SON: variants seen among roughly 807,000 people sequenced by gnomAD.
SON encodes the protein protein SON.
A neutral mutation model predicts 173.3 loss-of-function variants in SON; 4 were observed. The ratio of observed to expected loss-of-function variants is 0.02; its 90% confidence interval spans 0.01 to 0.05. The LOEUF is 0.05. Ranked by LOEUF, SON falls within the 10% of genes least tolerant of loss-of-function variation. SON has a pLI of 1.00. For missense variants in SON, 2,626 were observed against 3,055.3 expected, an observed-to-expected ratio of 0.86 and a Z score of 3.31; for synonymous variants, 1,190 against 1,105.9, an observed-to-expected ratio of 1.08 and a Z score of -1.51.
At position 33,550,902 on chromosome 21, in the gene SON, G is replaced by A. The variant is rs774019884; in HGVS notation, c.1671G>A (p.Ala557=). 9 of 1,610,096 alleles carry A rather than the reference G, an allele frequency of 5.6e-6. No individual in the cohort carries two copies. The highest frequency in any genetic ancestry group is 2.2e-5 in the South Asian group (2 of 91,014). The change falls in exon 3 of 12, where the codon GCG becomes GCA. Residue 557 remains alanine, a synonymous_variant. Transcript: ENST00000356577. ...CAGGACAGCCAGTGGCAACGACAGCGCTGGAGTTGCCGGGGCAGCCTTCGG... is the reference window on the plus strand; with the variant it reads ...CAGGACAGCCAGTGGCAACGACAGCACTGGAGTTGCCGGGGCAGCCTTCGG... ...ELPGQPVATT[A]LELPGQPSVT... is the part of the protein sequence containing the mutation.
chr21:33,544,185 T>A (rs2085550809), intron 1 of SON, among the ~76,000 whole-genome samples: 1 of 152,224 alleles, frequency 6.6e-6, no homozygotes. Flanking sequence ...AAACCAGTTG[T>A]AAGTGCCCAA....
At chr21:33,573,488 G>C (rs1193272539) in intron 9 of SON, 33 bp downstream of exon 9, 1 of 1,586,948 alleles carries the variant, frequency 6.3e-7, no homozygotes, top group African/African-American at 1.4e-5. Flanking sequence ...GTTTATTAAC[G>C]TCTCCTTTAA....
In SON at chr21:33,549,886, A is replaced by G. The variant is rs376784152; in HGVS notation, c.655A>G (p.Thr219Ala). ...AACTGCAGAACTGTCAGTTGTATCT[A>G]CATCAGTAATCTCAGAGCAGTCAGA... is the stretch of plus-strand genomic sequence containing the variant. ...TKTAELSVVS[T>A]SVISEQSEQS... The change falls in exon 3 of 12, where the codon ACA becomes GCA. Residue 219 changes from threonine (T) to alanine (A), a missense_variant. Transcript: ENST00000356577. 2.5e-6 allele frequency: 4 copies of G among 1,614,136 alleles called. No individual in the cohort carries two copies. The highest frequency in any genetic ancestry group is 1.7e-5 in the Admixed American group (1 of 60,012).
chr21:33,553,658 C>T lies in SON; in HGVS notation c.4427C>T (p.Ser1476Phe), dbSNP rs2085874314. 6.2e-7 allele frequency: 1 copy of T among 1,614,020 alleles called. No homozygotes were observed. The change falls in exon 3 of 12, where the codon TCT becomes TTT. Residue 1476 changes from serine to phenylalanine, a missense_variant. Around this residue, in one of 13 missense-constraint regions of SON, gnomAD observed 1,006 missense variants for 895.6 expected, o/e 1.12. Transcript: ENST00000356577. ...GAGTCCACACCAATGATACTGGAAT[C>T]TAGTATCATGTCATCACATGTTATG... ...AIESTPMILESSIMSSHVMKG... is the reference protein window; with the variant it reads ...AIESTPMILEFSIMSSHVMKG...
At position 33,559,874 on chromosome 21, in the gene SON, TAGGGCCGGGTTAAACGGC is replaced by T. The variant is rs764017566; in HGVS notation, c.6657+112_6657+129del. On this transcript the variant is annotated intron_variant, in intron 6 of 11. Transcript: ENST00000356577. This position sits in a 1 kb window ranked among gnomAD's most constrained non-coding sequence, Gnocchi z 4.1. Reference sequence around the variant, plus strand: ...GATTTGGATTCTGTTTCACTCTTCTTAGGGCCGGGTTAAACGGCAGGGCCGGGTTAGACGACAGATGAA... The same window carrying T: ...GATTTGGATTCTGTTTCACTCTTCTTAGGGCCGGGTTAGACGACAGATGAA... 13 of 1,605,154 alleles carry T rather than the reference TAGGGCCGGGTTAAACGGC, an allele frequency of 8.1e-6. No homozygotes were observed. Among genetic ancestry groups the T allele is most frequent in the South Asian group, 3.3e-5 (3 of 90,388 alleles).
In SON at chr21:33,549,760, T is replaced by C; in HGVS notation, c.529T>C (p.Ser177Pro). ...LELPTRAFGP[S>P]ETNESPAVVL... The stretch of plus-strand genomic sequence containing the variant: ...GCTTCCTACAAGAGCATTTGGCCCA[T>C]CTGAGACCAATGAATCCCCTGCAGT... The change falls in exon 3 of 12, where the codon TCT becomes CCT. Residue 177 changes from serine to proline, a missense_variant. Physicochemically the swap from Ser to Pro is moderately conservative, Grantham distance 74. Transcript: ENST00000356577. 1 of 1,614,204 alleles carries C rather than the reference T, an allele frequency of 6.2e-7. No homozygotes were observed. Among genetic ancestry groups the C allele is most frequent in the South Asian group, 1.1e-5 (1 of 91,092 alleles).
intron 6 of SON, among the ~76,000 whole-genome samples, chr21:33,566,729 C>T (rs538791034): frequency 2.6e-5 from 4 of 152,174 alleles, no homozygotes; most frequent in Admixed American, 6.5e-5. Flanking sequence ...ATTTTGCTTA[C>T]TGCTCTTGAA....
rs2085804113 is a variant in SON, at chr21:33,551,909, C to T, written c.2678C>T (p.Ala893Val). The change falls in exon 3 of 12, where the codon GCC (alanine) becomes GTC (valine). Residue 893 changes from alanine to valine, a missense_variant. Transcript: ENST00000356577. ...AQMLASGTMD[A>V]QMLASSTQDS... ...ATGTTAGCGTCTGGTACCATGGATG[C>T]CCAGATGTTAGCGTCTAGTACCCAA... is the stretch of plus-strand genomic sequence containing the variant. 1 of 1,614,026 alleles carries T rather than the reference C, an allele frequency of 6.2e-7. No homozygotes were observed. Among genetic ancestry groups the T allele is most frequent in the Non-Finnish European group, 8.5e-7 (1 of 1,179,978 alleles).
At chr21:33,545,836 C>T (rs141159843) in intron 1 of SON, among the ~76,000 whole-genome samples, 3,014 of 152,260 alleles carry the variant, frequency 0.02, 41 homozygotes, top group Non-Finnish European at 0.028. Context: ...GCCATGGTTT[C>T]TACCATAATG....
rs2085820588 is a variant in SON, at chr21:33,552,374, C to G, written c.3143C>G (p.Ser1048Cys). ...TCTATGATGTCAGCCTACGAGCGCT[C>G]TATGATGTCCCCTATGGCTGAGCGC... ...ERSMMSAYERSMMSPMAERSM... is the reference protein window; with the variant it reads ...ERSMMSAYERCMMSPMAERSM... Residue 1048 changes from serine (S) to cysteine (C), a missense_variant, in exon 3 of 12, where the codon TCT (serine) becomes TGT (cysteine). Transcript: ENST00000356577. This position sits in a 1 kb window ranked among gnomAD's most constrained non-coding sequence, Gnocchi z 5.6. 6.2e-7 allele frequency: 1 copy of G among 1,613,774 alleles called. No individual in the cohort carries two copies.
intron 1 of SON, among the ~76,000 whole-genome samples, chr21:33,544,108 C>T (rs1038994272): frequency 6.6e-6 from 1 of 152,184 alleles, no homozygotes; most frequent in African/African-American, 2.4e-5. Flanking sequence ...GTTCCGAGTT[C>T]AAGTGTTTTT....
chr21:33,550,444 TTACCTGGGC>T lies in SON; in HGVS notation c.1214_1222del (p.Leu405_Pro408delinsSer). ...GCCCCCTGTGACTCCAGTGCTGGAG[TTACCTGGGC>T]CCTCTGCTACCCCGGTGCCAGAGTT... On this transcript the variant is annotated inframe_deletion, in exon 3 of 12. Transcript: ENST00000356577. The T allele has an allele frequency of 6.2e-7, 1 of 1,613,584 alleles. No homozygotes were observed. The highest frequency in any genetic ancestry group is 1.1e-5 in the South Asian group (1 of 91,058).
chr21:33,558,872 G>T (rs2086016484), intron 4 of SON: 1 of 158,928 alleles, frequency 6.3e-6, no homozygotes, highest in Non-Finnish European at 1.4e-5. Context: ...GTGTTGCTCT[G>T]TAAAAGTGTT....
Position 33,549,983 on chromosome 21 carries a change from C to G in SON, c.752C>G (p.Pro251Arg). The G allele has an allele frequency of 5.6e-6, 9 of 1,614,104 alleles. No individual in the cohort carries two copies. Among genetic ancestry groups the G allele is most frequent in the Non-Finnish European group, 7.6e-6 (9 of 1,180,016 alleles). ...ILDSFAAAPV[P>R]TTTLVLKSSE... ...GATTCCTTTGCAGCAGCACCAGTGC[C>G]TACTACAACACTGGTGTTGAAGTCA... is the stretch of plus-strand genomic sequence containing the variant. Residue 251 changes from proline (P) to arginine (R), a missense_variant, in exon 3 of 12, where the codon CCT becomes CGT. Physicochemically the swap from Pro to Arg is moderately radical, Grantham distance 103. This residue lies in a region of SON where 757 missense variants were observed against 730.1 expected (regional missense o/e 1.04). Transcript: ENST00000356577.
chr21:33,556,782 G>A (rs954676390), intron 3 of SON, among the ~76,000 whole-genome samples: 4 of 151,778 alleles, frequency 2.6e-5, no homozygotes, highest in Non-Finnish European at 5.9e-5. Context: ...CAGAAGGAGA[G>A]TAAGGTCATG....
intron 1 of SON, among the ~76,000 whole-genome samples, chr21:33,544,153 C>T (rs2085549313): frequency 6.6e-6 from 1 of 152,100 alleles, no homozygotes; most frequent in Non-Finnish European, 1.5e-5. Context: ...AAGAGCAGTA[C>T]GTGAATTTGA....
Position 33,543,240 on chromosome 21 carries a change from T to C in SON, c.77+71T>C. 5.1e-6 allele frequency: 7 copies of C among 1,373,152 alleles called. No homozygotes were observed. In the South Asian group the frequency reaches 7.0e-5, roughly 14 times the overall value. 85.1% of individuals were successfully genotyped at this position (1,373,152 alleles called of 1,614,324 possible). On this transcript the variant is annotated intron_variant, in intron 1 of 11. Coordinates refer to ENST00000356577, the MANE Select transcript of SON (RefSeq NM_138927.4). ...CTCACCTAGCCTTCTTTGGCACCTT[T>C]CTTCGGAGACGCAGTCGTTCCCCGG...
chr21:33,567,079 CA>C, intron 6 of SON, 77 bp from the exon 7 acceptor site: 1 of 724,888 alleles, frequency 1.4e-6, no homozygotes, highest in South Asian at 2.0e-5. Flanking sequence ...TGATATGTAG[CA>C]ACTAAAGATA....
chr21:33,558,127 T>A (rs940512022), intron 4 of SON: 1 of 153,314 alleles, frequency 6.5e-6, no homozygotes, highest in Non-Finnish European at 1.5e-5. Context: ...TAATATACTC[T>A]TGTGTTTTTG....
Sources: allele counts gnomAD v4.1 joint callset (sites outside exome capture counted in the v4.1 genomes callset), GRCh38; gene constraint gnomAD v4.1.1; regional missense constraint gnomAD v4.1.1; non-coding constraint Gnocchi (gnomAD v3.1); transcripts MANE v1.5; gene names NCBI Gene and HGNC (gene_info 2026-07-23, HGNC 2026-07-21).